Variants in TRMT11 observed in about 807,000 individuals in gnomAD.
The protein encoded by TRMT11 is tRNA methyltransferase 11, also known as tRNA (guanine(10)-N(2))-methyltransferase TRMT11.
In TRMT11, 53 loss-of-function variants were observed where a neutral mutation model predicts 62.8. The ratio of observed to expected loss-of-function variants is 0.84; its 90% CI spans 0.68 to 1.06. The LOEUF (loss-of-function observed/expected upper bound fraction) is 1.06. Ranked by LOEUF, TRMT11 falls within the 50% of genes least tolerant of loss-of-function variation. The pLI, the probability that TRMT11 is intolerant of heterozygous loss-of-function variation, is 0.00. For synonymous variants in TRMT11, 188 were observed against 190.3 expected, an observed-to-expected ratio of 0.99 and a Z score of 0.10; for missense variants, 556 against 553.4, an observed-to-expected ratio of 1.00 and a Z score of -0.05.
At chr6:125,989,951 C>G (rs1462135317) in intron 1 of TRMT11, among the ~76,000 whole-genome samples, 1 of 152,142 alleles carries the variant, frequency 6.6e-6, no homozygotes, top group Non-Finnish European at 1.5e-5. Context: ...TTGATTTTTA[C>G]ATAGGAAGTA....
At chr6:126,271,397 A>C in the TRMT11 span, among the ~76,000 whole-genome samples, 1 of 148,902 alleles carries the variant, frequency 6.7e-6, no homozygotes, top group Non-Finnish European at 1.5e-5. Flanking sequence ...AAGAAAGTGA[A>C]TCTCATTTGG....
chr6:126,001,800 C>A (rs1792537594), intron 7 of TRMT11, among the ~76,000 whole-genome samples: 1 of 151,996 alleles, frequency 6.6e-6, no homozygotes, highest in South Asian at 2.1e-4. Flanking sequence ...CCAGTGCTCC[C>A]TCCACAGTTA....
chr6:126,247,893 G>GA, the TRMT11 span, among the ~76,000 whole-genome samples: 1 of 151,784 alleles, frequency 6.6e-6, no homozygotes, highest in East Asian at 1.9e-4. Context: ...CTTCAGCTTG[G>GA]AAAAAAACCA....
At chr6:126,202,599 A>G (rs1421586508), downstream of TRMT11, among the ~76,000 whole-genome samples, 1 of 152,186 alleles carries the variant, frequency 6.6e-6, no homozygotes, top group Non-Finnish European at 1.5e-5. Context: ...ATTTCAGCCC[A>G]TCGCCTGATT....
intron 1 of TRMT11, among the ~76,000 whole-genome samples, chr6:126,186,796 G>C (rs577132106): frequency 6.6e-6 from 1 of 151,770 alleles, no homozygotes; most frequent in African/African-American, 2.4e-5. Flanking sequence ...TACTTCTCTC[G>C]TGACCTTTAG....
Position 125,999,551 on chromosome 6 carries a change from T to C in TRMT11, c.617T>C (p.Ile206Thr). ...NTSMDAGLSFIMANHGKVKEN... is the reference protein window; with the variant it reads ...NTSMDAGLSFTMANHGKVKEN... The stretch of plus-strand genomic sequence containing the variant: ...AGTATGGATGCTGGTTTGTCATTCA[T>C]TATGGCTAACCATGGAAAAGTGAAA... The change falls in exon 7 of 13, where the codon ATT becomes ACT. Residue 206 changes from isoleucine (I) to threonine (T), a missense_variant. Ile to Thr is a moderately conservative substitution (Grantham distance 89, BLOSUM62 -1). Transcript: ENST00000334379. 6.2e-7 allele frequency: 1 copy of C among 1,612,360 alleles called. No individual in the cohort carries two copies. The highest frequency in any genetic ancestry group is 1.3e-5 in the African/African-American group (1 of 75,000).
chr6:125,998,494 G>T, intron 5 of TRMT11, 56 bp from the exon 6 acceptor site: 1 of 1,544,950 alleles, frequency 6.5e-7, no homozygotes, highest in Non-Finnish European at 8.8e-7. Context: ...TTAGATAAGC[G>T]CCATTTTTCA....
chr6:126,170,251 G>A (rs766003827), intron 21 of TRMT11, among the ~76,000 whole-genome samples: 1 of 151,808 alleles, frequency 6.6e-6, no homozygotes, highest in Non-Finnish European at 1.5e-5. Flanking sequence ...CTCTTACCAT[G>A]CATTCATACC....
chr6:126,184,707 A>G (rs2128242749), intron 1 of TRMT11, among the ~76,000 whole-genome samples: 1 of 152,240 alleles, frequency 6.6e-6, no homozygotes, highest in Non-Finnish European at 1.5e-5. Context: ...AGTAGCTGAG[A>G]AAGATTGTAG....
intron 21 of TRMT11, among the ~76,000 whole-genome samples, chr6:126,145,944 C>T (rs1777969818): frequency 6.6e-6 from 1 of 152,010 alleles, no homozygotes; most frequent in Non-Finnish European, 1.5e-5. Flanking sequence ...CATATTAATC[C>T]ATCATCTTTG....
chr6:126,148,515 A>G (rs142745693), intron 21 of TRMT11, among the ~76,000 whole-genome samples: 2 of 152,312 alleles, frequency 1.3e-5, no homozygotes, highest in East Asian at 3.9e-4. Flanking sequence ...TTTGAAATTA[A>G]ACAGATGTGG....
chr6:126,252,401 G>T, the TRMT11 span, among the ~76,000 whole-genome samples: 1 of 152,194 alleles, frequency 6.6e-6, no homozygotes, highest in Non-Finnish European at 1.5e-5. Flanking sequence ...ACTCCAAGGT[G>T]CTCTAAGAGT....
intron 1 of TRMT11, among the ~76,000 whole-genome samples, chr6:126,198,068 A>T (rs928826796): frequency 6.6e-6 from 1 of 152,088 alleles, no homozygotes. Flanking sequence ...AGTAGAATGG[A>T]CTCGGTGGGA....
At chr6:126,026,801 G>GT (rs1269279091) in intron 12 of TRMT11, among the ~76,000 whole-genome samples, 2 of 141,136 alleles carry the variant, frequency 1.4e-5, no homozygotes, top group African/African-American at 2.9e-5. Flanking sequence ...TGGTTTTTTG[G>GT]GTTTTTTTTT....
At chr6:126,019,080 A>T (rs1026440543) in intron 11 of TRMT11, among the ~76,000 whole-genome samples, 1 of 152,046 alleles carries the variant, frequency 6.6e-6, no homozygotes, top group African/African-American at 2.4e-5. Flanking sequence ...GGGTTTCACC[A>T]TTTTGGCCAG....
rs138925672 is a variant in TRMT11 at position 126,069,709 on chromosome 6, G to A, written c.*1437+16519G>A. Among the ~76,000 whole-genome samples, 335 of 152,290 alleles carry A rather than the reference G, an allele frequency of 2.2e-3. 2 individuals carry two copies. Among genetic ancestry groups the A allele is most frequent in the Non-Finnish European group, 2.4e-3 (162 of 68,020 alleles). On this transcript the variant is annotated intron_variant and NMD_transcript_variant, in intron 17 of 22. Transcript: ENST00000648977. ...TCTCTGTTTTCAGACCATGTCATCC[G>A]GGACTTGCCAGCCTTCAGAGACATC...
At chr6:126,062,605 A>G (rs1776567835) in intron 17 of TRMT11, among the ~76,000 whole-genome samples, 3 of 152,224 alleles carry the variant, frequency 2.0e-5, no homozygotes. Flanking sequence ...AATCAAATAG[A>G]ACACATGAAT....
intron 11 of TRMT11, among the ~76,000 whole-genome samples, chr6:126,018,808 T>C (rs1285560458): frequency 6.6e-6 from 1 of 152,264 alleles, no homozygotes; most frequent in Non-Finnish European, 1.5e-5. Context: ...TTATGCCTTC[T>C]ACTTAACCAC....
chr6:126,099,865 A>G (rs540033097), intron 17 of TRMT11, among the ~76,000 whole-genome samples: 1 of 152,300 alleles, frequency 6.6e-6, no homozygotes, highest in Non-Finnish European at 1.5e-5. Flanking sequence ...TTGAAACTGG[A>G]ATGAGAGAAG....
Sources: allele counts gnomAD v4.1 joint callset (sites outside exome capture counted in the v4.1 genomes callset), GRCh38; gene constraint gnomAD v4.1.1; transcripts MANE v1.5; gene names NCBI Gene and HGNC (gene_info 2026-07-23, HGNC 2026-07-21).